Variants in CSTPP1 observed in about 807,000 individuals in gnomAD.
CSTPP1 encodes UPF0705 protein C11orf49.
At chr11:47,105,547 A>G in the CSTPP1 span, among the ~76,000 whole-genome samples, 1 of 152,180 alleles carries the variant, frequency 6.6e-6, no homozygotes, top group African/African-American at 2.4e-5. Flanking sequence ...AAGTACAGCT[A>G]TCATTTATTG....
At chr11:46,979,333 G>T in the CSTPP1 span, among the ~76,000 whole-genome samples, 2 of 152,082 alleles carry the variant, frequency 1.3e-5, no homozygotes, top group Non-Finnish European at 2.9e-5. Context: ...AGTGGCATAT[G>T]ATTTACTACA....
the CSTPP1 span, among the ~76,000 whole-genome samples, chr11:47,134,643 T>C: frequency 6.6e-6 from 1 of 152,092 alleles, no homozygotes; most frequent in African/African-American, 2.4e-5. Flanking sequence ...AGCATTAGGG[T>C]GAACTGGTGC....
At chr11:47,105,971 A>G in the CSTPP1 span, among the ~76,000 whole-genome samples, 4 of 152,230 alleles carry the variant, frequency 2.6e-5, no homozygotes, top group Non-Finnish European at 5.9e-5. Context: ...TTCATTAAAT[A>G]TGTTTTCCTT....
chr11:46,966,038 A>G, the CSTPP1 span, among the ~76,000 whole-genome samples: 1 of 152,082 alleles, frequency 6.6e-6, no homozygotes, highest in Admixed American at 6.5e-5. Flanking sequence ...TTATCAGAAA[A>G]GTCTTTTTTT....
the CSTPP1 span, among the ~76,000 whole-genome samples, chr11:47,066,390 G>T: frequency 6.6e-6 from 1 of 151,982 alleles, no homozygotes; most frequent in Non-Finnish European, 1.5e-5. Flanking sequence ...AGATGTATGT[G>T]TTGGGTTCAT....
At chr11:47,060,077 C>T in the CSTPP1 span, among the ~76,000 whole-genome samples, 2 of 147,938 alleles carry the variant, frequency 1.4e-5, no homozygotes, top group Middle Eastern at 3.2e-3. Context: ...GCACTCCAGC[C>T]TAGGCAACAG....
the CSTPP1 span, among the ~76,000 whole-genome samples, chr11:47,142,523 T>C: frequency 6.6e-6 from 1 of 152,150 alleles, no homozygotes; most frequent in South Asian, 2.1e-4. Flanking sequence ...GAACTTGATA[T>C]AGAAGGGGAC....
the CSTPP1 span, among the ~76,000 whole-genome samples, chr11:47,100,706 G>A: frequency 7.2e-5 from 11 of 152,230 alleles, no homozygotes; most frequent in East Asian, 1.9e-4. Flanking sequence ...CACAAGAATC[G>A]CTTAAACCCA....
At chr11:46,992,770 G>T in the CSTPP1 span, among the ~76,000 whole-genome samples, 5 of 152,256 alleles carry the variant, frequency 3.3e-5, no homozygotes, top group African/African-American at 1.2e-4. Context: ...GGATGGCTGG[G>T]TCAAATGGTA....
chr11:47,134,214 G>A, the CSTPP1 span, among the ~76,000 whole-genome samples: 3 of 151,542 alleles, frequency 2.0e-5, no homozygotes, highest in Middle Eastern at 3.4e-3. Context: ...TTTTTTTGAG[G>A]GGGGAAGGAG....
chr11:47,095,094 A>G, the CSTPP1 span, among the ~76,000 whole-genome samples: 1 of 152,206 alleles, frequency 6.6e-6, no homozygotes, highest in African/African-American at 2.4e-5. Context: ...ATGGCCTAGC[A>G]ATGGCATGGC....
At chr11:47,157,117 C>T in the CSTPP1 span, 3 of 1,614,168 alleles carry the variant, frequency 1.9e-6, no homozygotes, top group Non-Finnish European at 2.5e-6. Flanking sequence ...GTGGGCAGCA[C>T]CGCCAACGAC....
the CSTPP1 span, among the ~76,000 whole-genome samples, chr11:47,138,698 C>T: frequency 1.4e-4 from 22 of 151,932 alleles, no homozygotes; most frequent in African/African-American, 5.3e-4. Flanking sequence ...CTGAGCTAGG[C>T]CAGACACGGT....
chr11:47,030,382 C>T, the CSTPP1 span, among the ~76,000 whole-genome samples: 1 of 152,108 alleles, frequency 6.6e-6, no homozygotes, highest in South Asian at 2.1e-4. Flanking sequence ...TGAAGTTTTG[C>T]CTCTTTGCAC....
chr11:47,127,106 T>C, the CSTPP1 span, among the ~76,000 whole-genome samples: 2 of 152,044 alleles, frequency 1.3e-5, no homozygotes, highest in Non-Finnish European at 2.9e-5. Context: ...AAGGACATCA[T>C]AGGGAGCCAG....
chr11:47,139,183 C>A, the CSTPP1 span, among the ~76,000 whole-genome samples: 2 of 152,066 alleles, frequency 1.3e-5, no homozygotes, highest in Non-Finnish European at 2.9e-5. Flanking sequence ...TTAAAATGAT[C>A]CTTTGTGGTT....
chr11:47,082,175 A>T, the CSTPP1 span, among the ~76,000 whole-genome samples: 1 of 151,242 alleles, frequency 6.6e-6, no homozygotes, highest in East Asian at 1.9e-4. Flanking sequence ...AAATACAAAA[A>T]ACAAAAACAC....
the CSTPP1 span, among the ~76,000 whole-genome samples, chr11:47,098,832 T>A: frequency 1.3e-5 from 2 of 152,306 alleles, no homozygotes; most frequent in East Asian, 3.9e-4. Flanking sequence ...ACTTTCACGG[T>A]CTGTGTAAAT....
chr11:47,052,347 G>T, the CSTPP1 span: 2 of 1,580,420 alleles, frequency 1.3e-6, no homozygotes, highest in South Asian at 1.2e-5. Context: ...CAGCCTTCTG[G>T]ATTCCATCTA....
Sources: gnomAD v4.1 joint callset for allele counts (sites outside exome capture counted in the v4.1 genomes callset) on GRCh38, gnomAD v4.1.1 for gene constraint, MANE v1.5 for transcripts, NCBI Gene and HGNC (gene_info 2026-07-23, HGNC 2026-07-21) for gene names.